The following DIAPH2 variants were observed in gnomAD, a reference collection of about 807,000 sequenced individuals.
DIAPH2 encodes protein diaphanous homolog 2.
A neutral mutation model predicts 92.7 loss-of-function variants in DIAPH2; 35 were observed. The observed-to-expected ratio is 0.38, with a 90% CI of 0.29 to 0.50. The LOEUF is 0.50. Ranked by LOEUF, DIAPH2 falls within the 20% of genes least tolerant of loss-of-function variation. The pLI is 0.94. For synonymous variants in DIAPH2, 301 were observed against 280.4 expected (o/e 1.07, Z -0.73); for missense variants, 701 against 819.5 (o/e 0.86, Z 1.77).
At position 97,160,106 on chromosome X, in the gene DIAPH2, G is replaced by A. The variant is rs755209002; in HGVS notation, c.2719+18312G>A. On this transcript the variant is annotated intron_variant, in intron 22 of 26. Coordinates refer to ENST00000324765, the MANE Select transcript of DIAPH2 (RefSeq NM_006729.5). ...GATTCATAAAAGACGGGGGCGGGGC[G>A]GGGTGGGGGCTGGAAAATTTGGTGT... 5.1e-3 allele frequency among the ~76,000 whole-genome samples: 556 copies of A among 109,237 alleles called. 2 individuals are homozygous for A. Among genetic ancestry groups the A allele is most frequent in the Non-Finnish European group, 8.4e-3 (443 of 52,532 alleles). The allele number at this position is 109,237 out of a possible 115,157, so 94.9% of individuals were successfully genotyped here.
chrX:97,302,976 T>C (rs1034119874), intron 23 of DIAPH2, among the ~76,000 whole-genome samples: 1 of 112,515 alleles, frequency 8.9e-6, no homozygotes, highest in Non-Finnish European at 1.9e-5. Context: ...AGAGTGAGAC[T>C]CTGTCTCCAA....
chrX:97,504,682 C>A (rs749136516), intron 26 of DIAPH2, among the ~76,000 whole-genome samples: 13 of 112,362 alleles, frequency 1.2e-4, no homozygotes, highest in Non-Finnish European at 2.4e-4. Context: ...TGCAAAATGA[C>A]AGCAGTCAAC....
intron 3 of DIAPH2, among the ~76,000 whole-genome samples, chrX:96,740,295 C>G (rs1424957967): frequency 8.9e-6 from 1 of 111,834 alleles, no homozygotes; most frequent in African/African-American, 3.3e-5. Context: ...CTAGTATTTT[C>G]TGATTACCTA....
At chrX:97,334,952 G>A (rs895600881) in intron 23 of DIAPH2, among the ~76,000 whole-genome samples, 6 of 86,647 alleles carry the variant, frequency 6.9e-5, no homozygotes, top group Non-Finnish European at 1.3e-4. Context: ...CTGCACTCCA[G>A]CCGAGGCGAC....
chrX:97,003,935 G>C (rs751912626), intron 17 of DIAPH2, among the ~76,000 whole-genome samples: 1 of 111,640 alleles, frequency 9.0e-6, no homozygotes, highest in Non-Finnish European at 1.9e-5. Flanking sequence ...TTCATAGTTT[G>C]AGGTCTTATA....
intron 20 of DIAPH2, among the ~76,000 whole-genome samples, chrX:97,105,078 C>T (rs2066930220): frequency 9.0e-6 from 1 of 111,357 alleles, no homozygotes; most frequent in African/African-American, 3.3e-5. Flanking sequence ...TTACAGTGAG[C>T]CGAGATTGCA....
At chrX:96,903,582 A>G (rs754518598) in intron 5 of DIAPH2, among the ~76,000 whole-genome samples, 3 of 112,221 alleles carry the variant, frequency 2.7e-5, no homozygotes, top group Non-Finnish European at 3.8e-5. Context: ...TCTGAAGAAG[A>G]TAGAAAATGT....
chrX:97,515,027 G>T (rs2070931249), intron 26 of DIAPH2, among the ~76,000 whole-genome samples: 1 of 110,842 alleles, frequency 9.0e-6, no homozygotes, highest in African/African-American at 3.3e-5. Context: ...TTGAGCTGTG[G>T]TGGGCTCCAC....
chrX:97,575,843 A>G (rs953841779), intron 26 of DIAPH2, among the ~76,000 whole-genome samples: 3 of 112,004 alleles, frequency 2.7e-5, no homozygotes, highest in Non-Finnish European at 5.6e-5. Context: ...GTATAGAGTT[A>G]AAATATGGGA....
intron 22 of DIAPH2, among the ~76,000 whole-genome samples, chrX:97,155,004 C>T (rs900588944): frequency 2.7e-5 from 3 of 111,709 alleles, no homozygotes; most frequent in East Asian, 5.6e-4. Context: ...ACGTATTTAG[C>T]CTCACCAGTA....
At chrX:97,553,202 C>T (rs1038959092) in intron 26 of DIAPH2, among the ~76,000 whole-genome samples, 10 of 112,035 alleles carry the variant, frequency 8.9e-5, no homozygotes, top group Non-Finnish European at 1.9e-4. Context: ...TGTACAATTT[C>T]CCTTACACCT....
chrX:97,355,879 T>G (rs1273100350), intron 24 of DIAPH2, among the ~76,000 whole-genome samples: 1 of 111,760 alleles, frequency 8.9e-6, no homozygotes, highest in Non-Finnish European at 1.9e-5. Context: ...AGCAACTGAG[T>G]GCCTTTATTC....
intron 23 of DIAPH2, among the ~76,000 whole-genome samples, chrX:97,255,418 C>T (rs1215609805): frequency 9.0e-6 from 1 of 111,443 alleles, no homozygotes; most frequent in African/African-American, 3.3e-5. Flanking sequence ...ATTGTACTTG[C>T]TGGTTTGCCT....
intron 17 of DIAPH2, among the ~76,000 whole-genome samples, chrX:97,008,585 G>A (rs1290981743): frequency 3.6e-5 from 4 of 111,470 alleles, no homozygotes; most frequent in South Asian, 3.8e-4. Flanking sequence ...GTATTTGAAG[G>A]GACCTGACTA....
Position 96,962,314 on chromosome X carries a change from T to TATATATATAC in DIAPH2, c.1936-2777_1936-2768dup, listed in dbSNP as rs1282967434. ...ATATATATATACATATATATATACATATATATATACACATATATATATACA... is the reference window on the plus strand; with the variant it reads ...ATATATATATACATATATATATACATATATATATACATATATATACACATATATATATACA... On this transcript the variant is annotated intron_variant, in intron 16 of 26. Coordinates refer to ENST00000324765, the MANE Select transcript of DIAPH2 (RefSeq NM_006729.5). Among the ~76,000 whole-genome samples the TATATATATAC allele has an allele frequency of 9.4e-5, 4 of 42,635 alleles. 1 individual carries two copies. Among genetic ancestry groups the TATATATATAC allele is most frequent in the African/African-American group, 2.9e-4 (4 of 13,698 alleles). 37.0% of individuals were successfully genotyped at this position (42,635 alleles called of 115,157 possible). A position where few individuals can be genotyped will look rare whatever the true frequency, so the allele number is the denominator to read the frequency against.
At chrX:97,048,861 A>G (rs770247766) in intron 17 of DIAPH2, among the ~76,000 whole-genome samples, 84 of 110,926 alleles carry the variant, frequency 7.6e-4, no homozygotes, top group Non-Finnish European at 1.3e-3. Flanking sequence ...AGATTTAGCC[A>G]GTGAGAGCTC....
rs1221333688 is a variant in DIAPH2, at chrX:97,546,125, T to A, written c.3242-53128T>A. Reference sequence around the variant, plus strand: ...ACACAAAAATTGATTTGCATGAGGTTTAAATCGTGTTTTTCTAAAAGCAAG... The same window carrying A: ...ACACAAAAATTGATTTGCATGAGGTATAAATCGTGTTTTTCTAAAAGCAAG... On this transcript the variant is annotated intron_variant, in intron 26 of 26. Transcript: ENST00000324765. 2.7e-5 allele frequency among the ~76,000 whole-genome samples: 3 copies of A among 110,781 alleles called. No homozygotes were observed. In the Admixed American group the frequency reaches 2.9e-4, roughly 11 times the overall value.
At chrX:96,733,064 T>C (rs1422511767) in intron 1 of DIAPH2, among the ~76,000 whole-genome samples, 1 of 111,462 alleles carries the variant, frequency 9.0e-6, no homozygotes, top group Non-Finnish European at 1.9e-5. Context: ...GGGAGTATGA[T>C]AGTCATTCAT....
chrX:96,986,406 T>G (rs1407349319), intron 17 of DIAPH2, among the ~76,000 whole-genome samples: 1 of 111,823 alleles, frequency 8.9e-6, no homozygotes, highest in Non-Finnish European at 1.9e-5. Flanking sequence ...TACTTAAAAT[T>G]TGTTTGATTT....
Sources: gnomAD v4.1 joint callset for allele counts (sites outside exome capture counted in the v4.1 genomes callset) on GRCh38, gnomAD v4.1.1 for gene constraint, MANE v1.5 for transcripts, NCBI Gene and HGNC (gene_info 2026-07-23, HGNC 2026-07-21) for gene names.